Variants in TTC34 observed in about 807,000 individuals in gnomAD.
TTC34 encodes tetratricopeptide repeat domain 34, also known as tetratricopeptide repeat protein 34.
A neutral mutation model predicts 40.7 loss-of-function variants in TTC34; 44 were observed. The ratio of observed to expected loss-of-function variants is 1.08; its 90% CI spans 0.85 to 1.39. The LOEUF is 1.39. Ranked by LOEUF, TTC34 falls within the 40% of genes most tolerant of loss-of-function variation. The pLI is 0.00. For synonymous variants in TTC34, 422 were observed against 398.6 expected (o/e 1.06, Z -0.70); for missense variants, 884 against 838.0 (o/e 1.05, Z -0.68).
chr1:2,759,856 GA>G (rs1228600174), intron 6 of TTC34, among the ~76,000 whole-genome samples: 60 of 100,436 alleles, frequency 6.0e-4, no homozygotes, highest in Non-Finnish European at 7.3e-4. Context: ...GTGAGCATCT[GA>G]CAGCCTGGAG....
chr1:2,777,695 G>C (rs909521015), intron 6 of TTC34, among the ~76,000 whole-genome samples: 4 of 151,764 alleles, frequency 2.6e-5, no homozygotes, highest in African/African-American at 4.8e-5. Context: ...GCATGGGGGG[G>C]GGGGCGCAGC....
chr1:2,650,946 C>A (rs1056404980), intron 6 of TTC34, among the ~76,000 whole-genome samples: 1 of 147,090 alleles, frequency 6.8e-6, no homozygotes, highest in African/African-American at 2.5e-5. Context: ...GACACCCCAA[C>A]CCCCCAGGTG....
chr1:2,782,817 C>A (rs181962938), intron 6 of TTC34, among the ~76,000 whole-genome samples: 2 of 152,166 alleles, frequency 1.3e-5, no homozygotes, highest in Non-Finnish European at 2.9e-5. Flanking sequence ...GATTCGGCTG[C>A]GGTTGCTTAG....
Position 2,685,184 on chromosome 1 carries a change from G to C in TTC34, c.2227-39621C>G, listed in dbSNP as rs546383701. Among the ~76,000 whole-genome samples the C allele has an allele frequency of 2.6e-4, 36 of 138,280 alleles. 7 individuals are homozygous for C. Among genetic ancestry groups the C allele is most frequent in the African/African-American group, 9.5e-4 (33 of 34,760 alleles). 90.7% of individuals were successfully genotyped at this position (138,280 alleles called of 152,430 possible). On this transcript the variant is annotated intron_variant, in intron 6 of 8. Coordinates refer to ENST00000401095, the Ensembl canonical transcript of TTC34. ...CCCCACGTGAGCATCTGACTGCCTG[G>C]AACAGCACCCACACCCCCAGGTGAG...
At chr1:2,753,057 C>G (rs1641377621) in intron 6 of TTC34, among the ~76,000 whole-genome samples, 4 of 151,258 alleles carry the variant, frequency 2.6e-5, no homozygotes, top group South Asian at 2.1e-4. Flanking sequence ...ACCCACACCC[C>G]CAGGTGAGCA....
At chr1:2,683,491 C>G (rs1238144401) in intron 6 of TTC34, among the ~76,000 whole-genome samples, 2 of 123,788 alleles carry the variant, frequency 1.6e-5, no homozygotes, top group African/African-American at 6.4e-5. Flanking sequence ...GAGCATCTGA[C>G]AGCCTGGAAC....
intron 6 of TTC34, among the ~76,000 whole-genome samples, chr1:2,676,894 G>T (rs1328984637): frequency 7.6e-6 from 1 of 132,352 alleles, no homozygotes; most frequent in Non-Finnish European, 1.6e-5. Context: ...ACACCCACAG[G>T]TGAGCATCTG....
chr1:2,800,392 C>T (rs570189061), exon 2 of TTC34: 92 of 398,482 alleles, frequency 2.3e-4, no homozygotes, highest in Middle Eastern at 1.9e-3. Flanking sequence ...AGGACCCAGG[C>T]GAGGGCGCGG....
At chr1:2,785,699 T>TC (rs1643576077) in intron 5 of TTC34, 120 bp downstream of exon 5, 2 of 1,156,764 alleles carry the variant, frequency 1.7e-6, no homozygotes, top group Non-Finnish European at 2.4e-6. Context: ...CCGTGGGTGT[T>TC]CCTGAGGCCC....
chr1:2,765,740 G>T (rs1641769412), intron 6 of TTC34, among the ~76,000 whole-genome samples: 1 of 50,644 alleles, frequency 2.0e-5, no homozygotes, highest in Non-Finnish European at 3.2e-5. Context: ...CTGACAGCCT[G>T]GAGCAGCGCC....
chr1:2,764,093 T>C (rs1641717594), intron 6 of TTC34, among the ~76,000 whole-genome samples: 1 of 131,342 alleles, frequency 7.6e-6, no homozygotes, highest in South Asian at 2.5e-4. Context: ...TGGAACAGAA[T>C]TCTCCAACCA....
chr1:2,680,851 G>T (rs1640039813), intron 6 of TTC34, among the ~76,000 whole-genome samples: 1 of 100,162 alleles, frequency 1.0e-5, no homozygotes, highest in African/African-American at 3.1e-5. Context: ...AGAGTCTGGA[G>T]CAGCGCCCAC....
At chr1:2,675,744 GCCTGGGTCGGCAA>G in intron 6 of TTC34, among the ~76,000 whole-genome samples, 1 of 66,672 alleles carries the variant, frequency 1.5e-5, no homozygotes, top group Admixed American at 1.4e-4. Context: ...GCATCTGACA[GCCTGGGTCGGCAA>G]CCACACACGC....
chr1:2,752,226 G>A, intron 6 of TTC34, among the ~76,000 whole-genome samples: 1 of 118,986 alleles, frequency 8.4e-6, no homozygotes, highest in East Asian at 2.9e-4. Flanking sequence ...GTGAGCATCT[G>A]ACAGACTGGA....
chr1:2,768,609 T>A (rs1191785609), intron 6 of TTC34, among the ~76,000 whole-genome samples: 1 of 151,420 alleles, frequency 6.6e-6, no homozygotes, highest in Non-Finnish European at 1.5e-5. Context: ...AAGCCTGGAA[T>A]GGTACCCCAC....
chr1:2,750,158 A>AGCTCCT (rs1641268019), intron 6 of TTC34, among the ~76,000 whole-genome samples: 1 of 79,328 alleles, frequency 1.3e-5, no homozygotes, highest in Non-Finnish European at 2.6e-5. Context: ...GGAGCAGAAC[A>AGCTCCT]AACACCCCCA....
At chr1:2,698,647 CCG>C (rs2100402896) in intron 6 of TTC34, among the ~76,000 whole-genome samples, 1 of 37,968 alleles carries the variant, frequency 2.6e-5, no homozygotes, top group African/African-American at 1.7e-4. Context: ...AGCACCCACA[CCG>C]CCAGGCCAGC....
chr1:2,649,899 CTTCTG>C, intron 6 of TTC34, among the ~76,000 whole-genome samples: 1 of 150,408 alleles, frequency 6.6e-6, no homozygotes, highest in African/African-American at 2.5e-5. Context: ...CCCAAGTGAG[CTTCTG>C]ACAGCCTGGA....
chr1:2,660,591 A>C (rs1345696262), intron 6 of TTC34, among the ~76,000 whole-genome samples: 580 of 7,666 alleles, frequency 0.076, no homozygotes, highest in Non-Finnish European at 0.092. Context: ...GCACCCACAC[A>C]CCCAGGTGAG....
Sources: allele counts gnomAD v4.1 joint callset (sites outside exome capture counted in the v4.1 genomes callset), GRCh38; gene constraint gnomAD v4.1.1; transcripts MANE v1.5; gene names NCBI Gene and HGNC (gene_info 2026-07-23, HGNC 2026-07-21).